The following WNT4 variants were observed in gnomAD, a reference collection of about 807,000 sequenced individuals.
The protein encoded by WNT4 is protein Wnt-4.
WNT4 carries 16 observed loss-of-function variants against 34.5 expected under a neutral mutation model. The ratio of observed to expected loss-of-function variants is 0.46; its 90% CI spans 0.31 to 0.70. The LOEUF (loss-of-function observed/expected upper bound fraction) is 0.70, where lower values mean the gene tolerates loss of function less well. WNT4 is among the 30% of genes least tolerant of loss of function. The pLI is 0.04. For synonymous variants in WNT4, 200 were observed against 211.9 expected, an observed-to-expected ratio of 0.94 and a Z score of 0.49; for missense variants, 379 against 495.9, an observed-to-expected ratio of 0.76 and a Z score of 2.24.
intron 1 of WNT4, among the ~76,000 whole-genome samples, chr1:22,132,376 AG>A (rs1287311309): frequency 6.6e-6 from 1 of 152,092 alleles, no homozygotes; most frequent in Non-Finnish European, 1.5e-5. Flanking sequence ...TTCTCTGGGC[AG>A]GGGGGGCAGC....
intron 2 of WNT4, chr1:22,126,915 G>A (rs577983699): frequency 2.9e-5 from 7 of 241,910 alleles, no homozygotes; most frequent in South Asian, 4.9e-5. Context: ...GGTCATCCTC[G>A]GCCTCACCCT....
intron 1 of WNT4, among the ~76,000 whole-genome samples, chr1:22,130,251 C>T (rs1389850870): frequency 6.8e-6 from 1 of 147,766 alleles, no homozygotes; most frequent in African/African-American, 2.5e-5. Context: ...CCGCTGTCTG[C>T]CCAGGGTCTC....
intron 2 of WNT4, among the ~76,000 whole-genome samples, chr1:22,122,051 CTA>C (rs897595848): frequency 3.3e-5 from 5 of 152,306 alleles, no homozygotes; most frequent in African/African-American, 1.2e-4. Context: ...AAGGCCTGGA[CTA>C]TAAACTCAGG....
At chr1:22,133,415 C>T (rs1453707105) in intron 1 of WNT4, among the ~76,000 whole-genome samples, 3 of 152,140 alleles carry the variant, frequency 2.0e-5, no homozygotes, top group African/African-American at 7.2e-5. Flanking sequence ...CCTCAGGATT[C>T]CCAGTGCCCT....
rs74059911 is a variant in WNT4 at position 22,140,959 on chromosome 1, C to T, written c.77+1887G>A. Among the ~76,000 whole-genome samples, 4,675 of 152,306 alleles carry T rather than the reference C, an allele frequency of 0.031. 119 individuals carry two copies. Among genetic ancestry groups the T allele is most frequent in the African/African-American group, 0.069 (2,857 of 41,554 alleles). ...CCCCACAGTTTGCATGATCCAAAGC[C>T]GAGGCTGCCTTCCTGGCTGGGATTC... On this transcript the variant is annotated intron_variant, in intron 1 of 4. Coordinates refer to ENST00000290167, the MANE Select transcript of WNT4 (RefSeq NM_030761.5). This position sits in a 1 kb window ranked among gnomAD's most constrained non-coding sequence, Gnocchi z 5.9.
chr1:22,123,459 T>C (rs10799736), intron 2 of WNT4, among the ~76,000 whole-genome samples: 142,671 of 152,258 alleles, frequency 0.94, 66,979 homozygotes, highest in East Asian at 1. Context: ...AGCTCGGGAG[T>C]GGTCCTGAAG....
At chr1:22,136,282 A>G (rs545626944) in intron 1 of WNT4, among the ~76,000 whole-genome samples, 20 of 152,014 alleles carry the variant, frequency 1.3e-4, no homozygotes, top group African/African-American at 3.4e-4. Flanking sequence ...TTGTCCCCCA[A>G]TTTGCCAGCA....
Position 22,141,178 on chromosome 1 carries a change from A to G in WNT4, c.77+1668T>C, listed in dbSNP as rs75545041. The stretch of plus-strand genomic sequence containing the variant: ...AGTTTCCTCATCTGAGTCAAAGATG[A>G]GATGTTCCTGAAGGACTTTCCACTG... On this transcript the variant is annotated intron_variant, in intron 1 of 4. Coordinates refer to ENST00000290167, the MANE Select transcript of WNT4 (RefSeq NM_030761.5). Among the ~76,000 whole-genome samples the G allele has an allele frequency of 1.6e-3, 243 of 152,280 alleles. 7 individuals carry two copies. The East Asian group carries it at 0.046, about 29-fold the overall frequency.
rs993428728 is a variant in WNT4 at position 22,117,922 on chromosome 1, T to A, written c.*2128A>T. ...TCTGCTAGTGAGGCATAGTATTTTT[T>A]TTGGGCTTAGTAGACAGCTGAACAG... On this transcript the variant is annotated 3_prime_UTR_variant, in exon 5 of 5. Coordinates refer to ENST00000290167, the MANE Select transcript of WNT4 (RefSeq NM_030761.5). The A allele has an allele frequency of 8.5e-5, 13 of 152,196 alleles. 1 individual carries two copies. Among genetic ancestry groups the A allele is most frequent in the African/African-American group, 1.9e-4 (8 of 41,430 alleles). 9.4% of individuals were successfully genotyped at this position (152,196 alleles called of 1,614,324 possible).
rs1645868333 is a variant in WNT4 at position 22,118,813 on chromosome 1, G to C, written c.*1237C>G. ...GTACAAGAACCAAGGAGGAGGCTTG[G>C]CTGGAGGACTCTTCTGGCCCTGCCT... On this transcript the variant is annotated 3_prime_UTR_variant, in exon 5 of 5. Transcript: ENST00000290167. 6.6e-6 allele frequency: 1 copy of C among 152,232 alleles called. No homozygotes were observed. Among genetic ancestry groups the C allele is most frequent in the Non-Finnish European group, 1.5e-5 (1 of 68,072 alleles). 9.4% of individuals were successfully genotyped at this position (152,232 alleles called of 1,614,324 possible).
Position 22,142,892 on chromosome 1 carries a change from GC to G in WNT4, c.30del (p.Arg11AlafsTer39). The G allele has an allele frequency of 8.3e-7, 1 of 1,209,276 alleles. No individual in the cohort carries two copies. The highest frequency in any genetic ancestry group is 1.1e-6 in the Non-Finnish European group (1 of 944,882). 74.9% of individuals were successfully genotyped at this position (1,209,276 alleles called of 1,614,324 possible). A position where few individuals can be genotyped will look rare whatever the true frequency, so the allele number is the denominator to read the frequency against. ...GAGAAGACGGCGAAGACGAGGAGGC[GC>G]AGCGAACGCAGGCACGAGCGGGGAC... Reference protein sequence around the residue: MSPRSCLRSLRLLVFAVFSA... With the variant: MSPRSCLRSXRLLVFAVFSA... On this transcript the variant is annotated frameshift_variant, in exon 1 of 5. Transcript: ENST00000290167. LOFTEE classifies it high-confidence loss of function. This position sits in a 1 kb window ranked among gnomAD's most constrained non-coding sequence, Gnocchi z 6.0.
In WNT4 at chr1:22,121,325, G is replaced by A. The variant is rs758406379; in HGVS notation, c.474C>T (p.Asn158=). The A allele has an allele frequency of 1.9e-6, 3 of 1,614,204 alleles. No homozygotes were observed. Among genetic ancestry groups the A allele is most frequent in the South Asian group, 1.1e-5 (1 of 91,086 alleles). The change falls in exon 4 of 5, where the codon AAC becomes AAT. Residue 158 remains asparagine (N), a synonymous_variant. Coordinates refer to ENST00000290167, the MANE Select transcript of WNT4 (RefSeq NM_030761.5). ...GTGAGAAGGCCACACCGTAGGCGAT[G>A]TTGTCAGAGCATCCTGACCACTGGA... The part of the protein sequence containing the change: ...QGFQWSGCSD[N]IAYGVAFSQS...
rs1557920626 is a variant in WNT4, at chr1:22,119,083, TTTTCAG to T, written c.*961_*966del. 6.6e-6 allele frequency: 1 copy of T among 151,870 alleles called. No individual in the cohort carries two copies. Among genetic ancestry groups the T allele is most frequent in the Non-Finnish European group, 1.5e-5 (1 of 68,490 alleles). 9.4% of individuals were successfully genotyped at this position (151,870 alleles called of 1,614,324 possible). On this transcript the variant is annotated 3_prime_UTR_variant, in exon 5 of 5. Coordinates refer to ENST00000290167, the MANE Select transcript of WNT4 (RefSeq NM_030761.5). ...CAGGTGTGTGTGTGTGTGTTTTCCT[TTTTCAG>T]TTTCATGGAGGAACAGTGCTGTGAA...
rs1476327301 is a variant in WNT4 at position 22,133,636 on chromosome 1, C to T, written c.78-3785G>A. Among the ~76,000 whole-genome samples the T allele has an allele frequency of 6.6e-5, 10 of 152,378 alleles. No homozygotes were observed. In the South Asian group the frequency reaches 1.2e-3, roughly 19 times the overall value. On this transcript the variant is annotated intron_variant, in intron 1 of 4. Transcript: ENST00000290167. ...CAATTTAGGCTCCTTCCTGCCACCA[C>T]GGAGTACAGGCTTAGCAATTTGCCA...
rs1212429478 is a variant in WNT4 at position 22,142,754 on chromosome 1, C to G, written c.77+92G>C. Reference sequence around the variant, plus strand: ...GGCCGAGACACCTGCCGGGCTGCCCCGCGCCCGCTGCCCCGCGCCGCCTGG... The same window carrying G: ...GGCCGAGACACCTGCCGGGCTGCCCGGCGCCCGCTGCCCCGCGCCGCCTGG... On this transcript the variant is annotated intron_variant, in intron 1 of 4. Coordinates refer to ENST00000290167, the MANE Select transcript of WNT4 (RefSeq NM_030761.5). The surrounding 1 kb of genome is among the most constrained non-coding windows in gnomAD (Gnocchi z 6.0). The G allele has an allele frequency of 1.5e-4, 136 of 888,728 alleles. No individual in the cohort carries two copies. The highest frequency in any genetic ancestry group is 1.6e-4 in the Non-Finnish European group (117 of 743,228). 55.1% of individuals were successfully genotyped at this position (888,728 alleles called of 1,614,324 possible).
At chr1:22,123,030 G>A (rs1241364220) in intron 2 of WNT4, among the ~76,000 whole-genome samples, 4 of 152,218 alleles carry the variant, frequency 2.6e-5, no homozygotes, top group East Asian at 1.9e-4. Context: ...CGAGTTAATC[G>A]AGGTTAATAG....
At position 22,134,315 on chromosome 1, in the gene WNT4, G is replaced by A. The variant is rs1056833958; in HGVS notation, c.78-4464C>T. On this transcript the variant is annotated intron_variant, in intron 1 of 4. Coordinates refer to ENST00000290167, the MANE Select transcript of WNT4 (RefSeq NM_030761.5). The surrounding 1 kb of genome is among the most constrained non-coding windows in gnomAD (Gnocchi z 4.1). ...GCTGAACAGAGCTGCCTTGGGGGAT[G>A]CGGGCCAGTGGGGGCGAAAGTGACC... 1.3e-5 allele frequency among the ~76,000 whole-genome samples: 2 copies of A among 152,212 alleles called. No homozygotes were observed. Among genetic ancestry groups the A allele is most frequent in the African/African-American group, 4.8e-5 (2 of 41,468 alleles).
rs1646055873 is a variant in WNT4 at position 22,140,248 on chromosome 1, C to T, written c.77+2598G>A. On this transcript the variant is annotated intron_variant, in intron 1 of 4. Coordinates refer to ENST00000290167, the MANE Select transcript of WNT4 (RefSeq NM_030761.5). The surrounding 1 kb of genome is among the most constrained non-coding windows in gnomAD (Gnocchi z 5.9). ...ATCATGCCTGCATGGACACCTGCCTCCCCGAAGCTTTTCCTTCTAGAGGCA... is the reference window on the plus strand; with the variant it reads ...ATCATGCCTGCATGGACACCTGCCTTCCCGAAGCTTTTCCTTCTAGAGGCA... 1 of 985,344 alleles carries T rather than the reference C, an allele frequency of 1.0e-6. No individual in the cohort carries two copies. Among genetic ancestry groups the T allele is most frequent in the Non-Finnish European group, 1.2e-6 (1 of 829,944 alleles). 61.0% of individuals were successfully genotyped at this position (985,344 alleles called of 1,614,324 possible).
chr1:22,139,320 C>T lies in WNT4; in HGVS notation c.77+3526G>A, dbSNP rs560988085. Among the ~76,000 whole-genome samples the T allele has an allele frequency of 1.3e-5, 2 of 152,346 alleles. No individual in the cohort carries two copies. The highest frequency in any genetic ancestry group is 4.8e-5 in the African/African-American group (2 of 41,588). ...AGTGCCAGCTTGCCACACGCATGGG[C>T]TCGCTCTTTCTTCCCAACCACCATT... is the stretch of plus-strand genomic sequence containing the variant. On this transcript the variant is annotated intron_variant, in intron 1 of 4. Coordinates refer to ENST00000290167, the MANE Select transcript of WNT4 (RefSeq NM_030761.5). The surrounding 1 kb of genome is among the most constrained non-coding windows in gnomAD (Gnocchi z 4.6).
Sources: allele counts gnomAD v4.1 joint callset (sites outside exome capture counted in the v4.1 genomes callset), GRCh38; gene constraint gnomAD v4.1.1; non-coding constraint Gnocchi (gnomAD v3.1); transcripts MANE v1.5; gene names NCBI Gene and HGNC (gene_info 2026-07-23, HGNC 2026-07-21).